MGAT4C: variants seen among roughly 807,000 people sequenced by gnomAD.
MGAT4C encodes the protein MGAT4 family member C, also known as alpha-1,3-mannosyl-glycoprotein 4-beta-N-acetylglucosaminyltransferase C.
A neutral mutation model predicts 40.1 loss-of-function variants in MGAT4C; 19 were observed. That is an observed-to-expected ratio of 0.47 (90% CI 0.33 to 0.70). The LOEUF (loss-of-function observed/expected upper bound fraction) is 0.70, where lower values mean the gene tolerates loss of function less well. Among genes scored for constraint, MGAT4C ranks in the 30% least tolerant of loss-of-function variants. The pLI, the probability that MGAT4C is intolerant of heterozygous loss-of-function variation, is 0.02. For missense variants in MGAT4C, 491 were observed against 563.2 expected, an observed-to-expected ratio of 0.87 and a Z score of 1.30; for synonymous variants, 181 against 187.1, an observed-to-expected ratio of 0.97 and a Z score of 0.27.
At chr12:86,763,644 A>G (rs936532381) in intron 1 of MGAT4C, among the ~76,000 whole-genome samples, 2 of 152,138 alleles carry the variant, frequency 1.3e-5, no homozygotes, top group Non-Finnish European at 2.9e-5. Flanking sequence ...CATTATTTTG[A>G]GCATTTTGTA....
chr12:86,362,891 GA>G (rs1955512874), intron 3 of MGAT4C, among the ~76,000 whole-genome samples: 1 of 142,850 alleles, frequency 7.0e-6, no homozygotes, highest in African/African-American at 2.6e-5. Flanking sequence ...AAAAGCATAT[GA>G]GGGTGTATAT....
intron 2 of MGAT4C, among the ~76,000 whole-genome samples, chr12:86,687,934 G>A (rs1360995791): frequency 6.6e-6 from 1 of 152,104 alleles, no homozygotes; most frequent in Admixed American, 6.5e-5. Flanking sequence ...ACACTGGGAT[G>A]TTAAAGTCTC....
intron 1 of MGAT4C, among the ~76,000 whole-genome samples, chr12:86,066,518 C>G (rs1232428204): frequency 1.3e-5 from 2 of 151,774 alleles, no homozygotes; most frequent in Admixed American, 1.3e-4. Flanking sequence ...ATGCAGAAAA[C>G]TGAAACTGGA....
intron 2 of MGAT4C, among the ~76,000 whole-genome samples, chr12:86,029,109 TG>T (rs1890504170): frequency 6.6e-6 from 1 of 151,946 alleles, no homozygotes; most frequent in Non-Finnish European, 1.5e-5. Context: ...CAGTAAAGCC[TG>T]ATGATCTCCG....
At chr12:86,011,063 G>C (rs373378102) in intron 2 of MGAT4C, among the ~76,000 whole-genome samples, 20 of 152,244 alleles carry the variant, frequency 1.3e-4, no homozygotes, top group African/African-American at 4.8e-4. Flanking sequence ...AAATTACCCA[G>C]TCTCTGTATT....
At chr12:86,300,663 G>A (rs1348095032) in intron 4 of MGAT4C, among the ~76,000 whole-genome samples, 2 of 152,080 alleles carry the variant, frequency 1.3e-5, no homozygotes, top group Non-Finnish European at 2.9e-5. Context: ...AAAAGCATTA[G>A]CTTGCATTGT....
chr12:86,727,278 C>T (rs1181589885), intron 1 of MGAT4C: 1 of 152,078 alleles, frequency 6.6e-6, no homozygotes, highest in African/African-American at 2.4e-5. Flanking sequence ...ATTAATAAAT[C>T]ATATTGCTAT....
chr12:86,705,207 G>A (rs76329723), intron 2 of MGAT4C, among the ~76,000 whole-genome samples: 1 of 144,404 alleles, frequency 6.9e-6, no homozygotes, highest in Non-Finnish European at 1.5e-5. Flanking sequence ...CTATCTATCT[G>A]TCTATTATCT....
At chr12:86,652,025 C>A (rs577394118) in intron 2 of MGAT4C, among the ~76,000 whole-genome samples, 1 of 151,982 alleles carries the variant, frequency 6.6e-6, no homozygotes, top group South Asian at 2.1e-4. Flanking sequence ...TGAAGACATA[C>A]ATGATTACTT....
intron 2 of MGAT4C, among the ~76,000 whole-genome samples, chr12:86,691,448 A>G (rs557370652): frequency 3.3e-5 from 5 of 152,338 alleles, no homozygotes; most frequent in Admixed American, 6.5e-5. Flanking sequence ...TGTTGACGAG[A>G]TAGAGAGAAG....
At chr12:86,237,056 G>A (rs1256787683) in intron 1 of MGAT4C, among the ~76,000 whole-genome samples, 1 of 150,944 alleles carries the variant, frequency 6.6e-6, no homozygotes, top group African/African-American at 2.4e-5. Flanking sequence ...TATATTTAGT[G>A]AGGAAAGGTG....
At chr12:86,589,280 C>G (rs1015012852) in intron 2 of MGAT4C, among the ~76,000 whole-genome samples, 1 of 142,770 alleles carries the variant, frequency 7.0e-6, no homozygotes, top group Non-Finnish European at 1.6e-5. Context: ...AACACCTCTA[C>G]GCAAATAAAC....
At chr12:86,372,102 T>C (rs1309533359) in intron 3 of MGAT4C, among the ~76,000 whole-genome samples, 2 of 151,902 alleles carry the variant, frequency 1.3e-5, no homozygotes, top group African/African-American at 4.8e-5. Context: ...TATTAGGCTT[T>C]TAAAAGTGTC....
chr12:86,161,290 G>A lies in MGAT4C; in HGVS notation c.-57+94949C>T, dbSNP rs1207591962. Among the ~76,000 whole-genome samples the A allele has an allele frequency of 5.9e-5, 9 of 152,016 alleles. No homozygotes were observed. In the East Asian group the frequency reaches 1.7e-3, roughly 29 times the overall value. On this transcript the variant is annotated intron_variant, in intron 1 of 4. Coordinates refer to ENST00000611864, the MANE Select transcript of MGAT4C (RefSeq NM_001351288.2). ...AAGCCACAGCAATCCTAACAGATTG[G>A]TACTGCTACCAAACACAGACACATA...
At chr12:86,134,691 TG>T (rs1306621667) in intron 1 of MGAT4C, among the ~76,000 whole-genome samples, 3 of 152,250 alleles carry the variant, frequency 2.0e-5, no homozygotes, top group East Asian at 3.9e-4. Context: ...TAGATATTAA[TG>T]GTTGTTAGAA....
In MGAT4C at chr12:86,614,327, T is replaced by C. The variant is rs73394935; in HGVS notation, c.-229+112882A>G. ...CTGTGCAGCATGACATTTGTTTCAA[T>C]AGAACATAGCACTTTGAGAGGTGAA... is the stretch of plus-strand genomic sequence containing the variant. On this transcript the variant is annotated intron_variant, in intron 2 of 7. Transcript: ENST00000548651. Among the ~76,000 whole-genome samples, 498 of 152,236 alleles carry C rather than the reference T, an allele frequency of 3.3e-3. 2 individuals are homozygous for C. Among genetic ancestry groups the C allele is most frequent in the African/African-American group, 0.012 (483 of 41,576 alleles).
intron 4 of MGAT4C, among the ~76,000 whole-genome samples, chr12:86,291,348 C>G (rs557360722): frequency 1.7e-4 from 26 of 152,294 alleles, no homozygotes; most frequent in Non-Finnish European, 2.4e-4. Flanking sequence ...GTAAGCTGGA[C>G]AGCCAAGAAA....
intron 2 of MGAT4C, among the ~76,000 whole-genome samples, chr12:86,683,226 G>T (rs1241494767): frequency 6.6e-6 from 1 of 151,984 alleles, no homozygotes; most frequent in Non-Finnish European, 1.5e-5. Flanking sequence ...AACTCTATTT[G>T]GCACAAAAGA....
chr12:86,805,144 T>C (rs1264054767), intron 1 of MGAT4C, among the ~76,000 whole-genome samples: 1 of 152,014 alleles, frequency 6.6e-6, no homozygotes, highest in Non-Finnish European at 1.5e-5. Flanking sequence ...TGATATAATA[T>C]GATATTGTTT....
Sources: allele counts gnomAD v4.1 joint callset (sites outside exome capture counted in the v4.1 genomes callset), GRCh38; gene constraint gnomAD v4.1.1; transcripts MANE v1.5; gene names NCBI Gene and HGNC (gene_info 2026-07-23, HGNC 2026-07-21).